THADA: variants seen among roughly 807,000 people sequenced by gnomAD.
THADA encodes THADA armadillo repeat containing.
In THADA, 213 loss-of-function variants were observed where a neutral mutation model predicts 219.8. The observed-to-expected ratio is 0.97, with a 90% CI of 0.87 to 1.09. THADA has a LOEUF of 1.09. Among genes scored for constraint, THADA ranks in the 50% least tolerant of loss-of-function variants. The pLI, the probability that THADA is intolerant of heterozygous loss-of-function variation, is 0.00. For synonymous variants in THADA, 1,018 were observed against 828.9 expected (o/e 1.23, Z -3.92); for missense variants, 2,956 against 2,311.3 (o/e 1.28, Z -5.72).
In THADA at chr2:43,552,335, G is replaced by T; in HGVS notation, c.2679C>A (p.Ile893=). 1 of 1,586,158 alleles carries T rather than the reference G, an allele frequency of 6.3e-7. No individual in the cohort carries two copies. Among genetic ancestry groups the T allele is most frequent in the East Asian group, 2.2e-5 (1 of 44,502 alleles). ...CCTCAAGATTTTCCATCAAGCATTTGATAACTAGAAAAAGCAAACAGAAAA... is the reference window on the plus strand; with the variant it reads ...CCTCAAGATTTTCCATCAAGCATTTTATAACTAGAAAAAGCAAACAGAAAA... The part of the protein sequence containing the change: ...AVVERNTLMV[I]KCLMENLEEE... The change falls in exon 18 of 38, where the codon ATC becomes ATA. Residue 893 remains isoleucine (I), a synonymous_variant. Coordinates refer to ENST00000405975, the MANE Select transcript of THADA (RefSeq NM_022065.5).
At chr2:43,363,069 T>A (rs1454185733) in intron 29 of THADA, among the ~76,000 whole-genome samples, 1 of 152,214 alleles carries the variant, frequency 6.6e-6, no homozygotes, top group African/African-American at 2.4e-5. Flanking sequence ...TGCCTGAGAC[T>A]GTTTTACAGT....
At chr2:43,344,871 C>T (rs994111017) in intron 29 of THADA, among the ~76,000 whole-genome samples, 4 of 151,956 alleles carry the variant, frequency 2.6e-5, no homozygotes, top group African/African-American at 9.7e-5. Flanking sequence ...CATGTATGCA[C>T]GTATGTATGT....
In THADA at chr2:43,572,911, G is replaced by T; in HGVS notation, c.1811C>A (p.Ala604Asp). Reference sequence around the variant, plus strand: ...AGACTGAAGATGTCCATGAGCTCTAGCTATTCGCAGACATGCCATCAAAGC... The same window carrying T: ...AGACTGAAGATGTCCATGAGCTCTATCTATTCGCAGACATGCCATCAAAGC... ...LGALMACLRIARAHGHLQSAT... is the reference protein window; with the variant it reads ...LGALMACLRIDRAHGHLQSAT... The change falls in exon 12 of 38, where the codon GCT (alanine) becomes GAT (aspartate). Residue 604 changes from alanine (A) to aspartate (D), a missense_variant. Ala to Asp is a moderately radical substitution (Grantham distance 126). Transcript: ENST00000405975. 1 of 1,613,928 alleles carries T rather than the reference G, an allele frequency of 6.2e-7. No individual in the cohort carries two copies. The highest frequency in any genetic ancestry group is 1.1e-5 in the South Asian group (1 of 91,084).
intron 22 of THADA, among the ~76,000 whole-genome samples, chr2:43,511,077 G>C (rs1362251009): frequency 6.6e-6 from 1 of 151,936 alleles, no homozygotes; most frequent in African/African-American, 2.4e-5. Context: ...ATAAGGTAAA[G>C]AGTACTTGAT....
intron 30 of THADA, among the ~76,000 whole-genome samples, chr2:43,340,269 T>A (rs1424471044): frequency 2.0e-5 from 3 of 152,324 alleles, no homozygotes; most frequent in Admixed American, 6.5e-5. Flanking sequence ...AGAAGCCCAG[T>A]CCTTTCCTGA....
chr2:43,350,550 C>G (rs1337466480), intron 29 of THADA, among the ~76,000 whole-genome samples: 1 of 152,224 alleles, frequency 6.6e-6, no homozygotes, highest in African/African-American at 2.4e-5. Flanking sequence ...CTGACTTCCA[C>G]AATGCAGGGT....
At chr2:43,264,347 G>A (rs1038034310) in intron 36 of THADA, among the ~76,000 whole-genome samples, 21 of 150,648 alleles carry the variant, frequency 1.4e-4, no homozygotes, top group African/African-American at 3.2e-4. Context: ...GGGCAATGGC[G>A]CCATCTCAGT....
chr2:43,333,806 T>C (rs1013306170), intron 30 of THADA, among the ~76,000 whole-genome samples: 16 of 152,208 alleles, frequency 1.1e-4, no homozygotes, highest in Non-Finnish European at 1.2e-4. Context: ...CTGTGGCCTC[T>C]TTCTATTTCA....
chr2:43,253,887 G>C (rs905752194), intron 36 of THADA, among the ~76,000 whole-genome samples: 1 of 152,018 alleles, frequency 6.6e-6, no homozygotes, highest in African/African-American at 2.4e-5. Flanking sequence ...CTTTGGCCTA[G>C]CATTCCAGGT....
intron 16 of THADA, among the ~76,000 whole-genome samples, chr2:43,559,882 G>A (rs1029954481): frequency 6.6e-6 from 1 of 152,206 alleles, no homozygotes; most frequent in African/African-American, 2.4e-5. Flanking sequence ...GTTACTGTAA[G>A]TGATGTGTTC....
chr2:43,532,459 A>G (rs1694008648), intron 21 of THADA, among the ~76,000 whole-genome samples: 1 of 151,976 alleles, frequency 6.6e-6, no homozygotes, highest in African/African-American at 2.4e-5. Flanking sequence ...ACACAAATCA[A>G]TAAACGTGAT....
intron 21 of THADA, chr2:43,538,613 G>A (rs1447899439): frequency 7.1e-6 from 1 of 141,446 alleles, no homozygotes; most frequent in African/African-American, 3.0e-5. Flanking sequence ...AAAATTAAAT[G>A]AGCAGCTCAC....
At chr2:43,470,077 G>A (rs1220649140) in intron 26 of THADA, among the ~76,000 whole-genome samples, 2 of 151,746 alleles carry the variant, frequency 1.3e-5, no homozygotes, top group Non-Finnish European at 2.9e-5. Context: ...CAGGTGGGGT[G>A]GCACACCTGT....
At position 43,544,792 on chromosome 2, in the gene THADA, T is replaced by C. The variant is rs1339204867; in HGVS notation, c.3107-3476A>G. On this transcript the variant is annotated intron_variant, in intron 20 of 37. Transcript: ENST00000405975. Reference sequence around the variant, plus strand: ...GATTTTGGGCTGAGAAAATGGGGTTTTCTAGATATACAATCATGTCATCTG... The same window carrying C: ...GATTTTGGGCTGAGAAAATGGGGTTCTCTAGATATACAATCATGTCATCTG... Among the ~76,000 whole-genome samples the C allele has an allele frequency of 2.0e-5, 3 of 151,798 alleles. No homozygotes were observed. The South Asian group carries it at 6.3e-4, about 32-fold the overall frequency.
At chr2:43,496,379 A>C (rs189781074) in intron 25 of THADA, among the ~76,000 whole-genome samples, 1 of 152,342 alleles carries the variant, frequency 6.6e-6, no homozygotes, top group East Asian at 1.9e-4. Flanking sequence ...TTGAATCAAA[A>C]TGCTTCTGGA....
intron 36 of THADA, among the ~76,000 whole-genome samples, chr2:43,260,990 T>G (rs765026692): frequency 6.6e-6 from 1 of 151,336 alleles, no homozygotes; most frequent in African/African-American, 2.4e-5. Context: ...TTTAATAACT[T>G]TTATCTAATA....
chr2:43,548,485 G>C lies in THADA; in HGVS notation c.3106+725C>G, dbSNP rs562304289. ...TGCCCCCAGAGGTGGAGCCTACAGA[G>C]GCAGGCAGGCCTCCTTGAGCTGTGG... is the stretch of plus-strand genomic sequence containing the variant. On this transcript the variant is annotated intron_variant, in intron 20 of 37. Transcript: ENST00000405975. Among the ~76,000 whole-genome samples, 29 of 152,322 alleles carry C rather than the reference G, an allele frequency of 1.9e-4. No individual in the cohort carries two copies. The South Asian group carries it at 6.0e-3, about 32-fold the overall frequency.
chr2:43,300,719 G>A (rs1676160329), intron 31 of THADA, among the ~76,000 whole-genome samples: 1 of 152,146 alleles, frequency 6.6e-6, no homozygotes, highest in Non-Finnish European at 1.5e-5. Context: ...CAGCAAGAGA[G>A]GTTAGACCTA....
chr2:43,446,531 G>T (rs1228061299), intron 26 of THADA, among the ~76,000 whole-genome samples: 1 of 152,126 alleles, frequency 6.6e-6, no homozygotes, highest in Non-Finnish European at 1.5e-5. Context: ...AGCCATGTTG[G>T]TTCTATCAGC....
Sources: allele counts gnomAD v4.1 joint callset (sites outside exome capture counted in the v4.1 genomes callset), GRCh38; gene constraint gnomAD v4.1.1; transcripts MANE v1.5; gene names NCBI Gene and HGNC (gene_info 2026-07-23, HGNC 2026-07-21).